HSD17B6: variants seen among roughly 807,000 people sequenced by gnomAD.
The protein encoded by HSD17B6 is 17-beta-hydroxysteroid dehydrogenase type 6.
Under a neutral mutation model 26.4 loss-of-function variants are expected in HSD17B6, and 16 were observed. That is an observed-to-expected ratio of 0.61 (90% CI 0.41 to 0.92). The LOEUF is 0.92. HSD17B6 is among the 40% of genes least tolerant of loss of function. The pLI is 0.00. For missense variants in HSD17B6, 357 were observed against 386.1 expected (o/e 0.92, Z 0.63); for synonymous variants, 139 against 153.0 (o/e 0.91, Z 0.68).
At chr12:56,779,564 A>AT (rs1954668265) in intron 2 of HSD17B6, among the ~76,000 whole-genome samples, 1 of 152,192 alleles carries the variant, frequency 6.6e-6, no homozygotes, top group Admixed American at 6.5e-5. Context: ...CCACTACTAA[A>AT]TTGAAAGTAC....
rs1334506422 is a variant in HSD17B6, at chr12:56,783,152, T to C, written c.572+920T>C. ...ATCATGGCCCGTTCTCAATGAGCTG[T>C]TGGGTACACCTCCCAGACGGGGTGG... On this transcript the variant is annotated intron_variant, in intron 3 of 4. Coordinates refer to ENST00000322165, the MANE Select transcript of HSD17B6 (RefSeq NM_003725.4). 2.5e-4 allele frequency among the ~76,000 whole-genome samples: 38 copies of C among 152,266 alleles called. No individual in the cohort carries two copies. The East Asian group carries it at 6.6e-3, about 26-fold the overall frequency.
chr12:56,784,738 A>G (rs565385669), intron 3 of HSD17B6, 115 bp from the exon 4 acceptor site: 6 of 1,096,152 alleles, frequency 5.5e-6, no homozygotes, highest in African/African-American at 1.6e-5. Context: ...AGATTTCTTT[A>G]TTCTTTAAAA....
chr12:56,779,888 T>C (rs1232687608), intron 2 of HSD17B6, among the ~76,000 whole-genome samples: 1 of 151,958 alleles, frequency 6.6e-6, no homozygotes. Flanking sequence ...CTAAGAATTA[T>C]AGAAGATGCT....
chr12:56,786,207 A>C (rs1417272728), intron 4 of HSD17B6, among the ~76,000 whole-genome samples: 1 of 152,002 alleles, frequency 6.6e-6, no homozygotes, highest in African/African-American at 2.4e-5. Flanking sequence ...GTGTTGTTCT[A>C]AACCTATTTA....
Position 56,787,559 on chromosome 12 carries a change from A to G in HSD17B6, c.*217A>G. The G allele has an allele frequency of 1.8e-6, 1 of 544,750 alleles. No individual in the cohort carries two copies. Among genetic ancestry groups the G allele is most frequent in the Non-Finnish European group, 3.2e-6 (1 of 307,760 alleles). 33.7% of individuals were successfully genotyped at this position (544,750 alleles called of 1,614,324 possible). A position where few individuals can be genotyped will look rare whatever the true frequency, so the allele number is the denominator to read the frequency against. ...TCTTTACTATTTTAGCCCTTTTTTG[A>G]TGAGACTATTTGTCTAAAGTGAATC... On this transcript the variant is annotated 3_prime_UTR_variant, in exon 5 of 5. Transcript: ENST00000322165.
At chr12:56,784,825 A>C in intron 3 of HSD17B6, 28 bp from the exon 4 acceptor site, 1 of 1,603,026 alleles carries the variant, frequency 6.2e-7, no homozygotes, top group Non-Finnish European at 8.5e-7. Context: ...GGTGGTCTTT[A>C]ATCATAACTT....
At position 56,782,381 on chromosome 12, in the gene HSD17B6, C is replaced by G. The variant is rs1954740247; in HGVS notation, c.572+149C>G. On this transcript the variant is annotated intron_variant, in intron 3 of 4. Coordinates refer to ENST00000322165, the MANE Select transcript of HSD17B6 (RefSeq NM_003725.4). ...GTCTATTTTATATAGCTAACAGGCT[C>G]AAATTTTCTCATCTGTCCCAGAGTT... 9.6e-6 allele frequency: 8 copies of G among 832,740 alleles called. No homozygotes were observed. The South Asian group carries it at 1.5e-4, about 16-fold the overall frequency. The allele number at this position is 832,740 out of a possible 1,614,324, so 51.6% of individuals were successfully genotyped here. A position where few individuals can be genotyped will look rare whatever the true frequency, so the allele number is the denominator to read the frequency against.
intron 2 of HSD17B6, among the ~76,000 whole-genome samples, chr12:56,776,894 G>C (rs985651723): frequency 5.9e-5 from 9 of 152,128 alleles, no homozygotes; most frequent in African/African-American, 2.2e-4. Context: ...ACCTATTGAA[G>C]GACATCTTGG....
rs546257888 is a variant in HSD17B6, at chr12:56,787,046, G to T, written c.737-79G>T. Reference sequence around the variant, plus strand: ...ATTCTATTTTGTAGAAATTAGATGTGGTGAGACTTCTGTGACTGCATGATC... The same window carrying T: ...ATTCTATTTTGTAGAAATTAGATGTTGTGAGACTTCTGTGACTGCATGATC... On this transcript the variant is annotated intron_variant, in intron 4 of 4. Transcript: ENST00000322165. 6.3e-5 allele frequency: 67 copies of T among 1,062,934 alleles called. No individual in the cohort carries two copies. The African/African-American group carries it at 1.0e-3, about 16-fold the overall frequency. 65.8% of individuals were successfully genotyped at this position (1,062,934 alleles called of 1,614,324 possible).
chr12:56,781,619 T>C (rs1165103823), intron 2 of HSD17B6, among the ~76,000 whole-genome samples: 1 of 152,012 alleles, frequency 6.6e-6, no homozygotes, highest in Non-Finnish European at 1.5e-5. Context: ...CTAGCCAACA[T>C]GGTGAAACCC....
At chr12:56,784,177 C>A (rs1377426440) in intron 3 of HSD17B6, among the ~76,000 whole-genome samples, 1 of 151,640 alleles carries the variant, frequency 6.6e-6, no homozygotes, top group Non-Finnish European at 1.5e-5. Flanking sequence ...GGCAGAGACG[C>A]TCCTCACTTT....
chr12:56,785,678 A>C (rs1348273592), intron 4 of HSD17B6, among the ~76,000 whole-genome samples: 1 of 152,224 alleles, frequency 6.6e-6, no homozygotes, highest in Non-Finnish European at 1.5e-5. Flanking sequence ...GACCCTTGAG[A>C]GGGTGTGCCC....
intron 2 of HSD17B6, among the ~76,000 whole-genome samples, chr12:56,776,314 T>G (rs1427472072): frequency 6.7e-6 from 1 of 149,552 alleles, no homozygotes; most frequent in Non-Finnish European, 1.5e-5. Context: ...CTTTTTTTTT[T>G]TTTTTTTTGA....
At chr12:56,784,604 T>C (rs1234053376) in intron 3 of HSD17B6, among the ~76,000 whole-genome samples, 1 of 151,968 alleles carries the variant, frequency 6.6e-6, no homozygotes, top group Non-Finnish European at 1.5e-5. Flanking sequence ...GCAGGGAGGT[T>C]GCAGTGAGCC....
At chr12:56,782,289 G>A in intron 3 of HSD17B6, 57 bp downstream of exon 3, 2 of 1,525,654 alleles carry the variant, frequency 1.3e-6, no homozygotes, top group Non-Finnish European at 1.8e-6. Context: ...CTTAGGCATT[G>A]TGCTAGTTGC....
At position 56,787,425 on chromosome 12, in the gene HSD17B6, G is replaced by A. The variant is rs1954903782; in HGVS notation, c.*83G>A. 9 of 863,136 alleles carry A rather than the reference G, an allele frequency of 1.0e-5. No homozygotes were observed. In the South Asian group the frequency reaches 1.2e-4, roughly 11 times the overall value. 53.5% of individuals were successfully genotyped at this position (863,136 alleles called of 1,614,324 possible). The stretch of plus-strand genomic sequence containing the variant: ...TCAGTAATCCTGATTTAGAACCCAG[G>A]CTTTTTGTAACAATGTGTTTTCTTG... On this transcript the variant is annotated 3_prime_UTR_variant, in exon 5 of 5. Coordinates refer to ENST00000322165, the MANE Select transcript of HSD17B6 (RefSeq NM_003725.4).
At chr12:56,776,707 A>G (rs1204185593) in intron 2 of HSD17B6, among the ~76,000 whole-genome samples, 1 of 152,104 alleles carries the variant, frequency 6.6e-6, no homozygotes, top group East Asian at 1.9e-4. Flanking sequence ...GTTGAAGTGC[A>G]GCGGTGCAAT....
At chr12:56,766,588 A>G (rs771756937) in intron 1 of HSD17B6, among the ~76,000 whole-genome samples, 3 of 152,232 alleles carry the variant, frequency 2.0e-5, no homozygotes, top group Non-Finnish European at 4.4e-5. Context: ...GGCCTTGTAC[A>G]ACTAAGGTTT....
In HSD17B6 at chr12:56,787,361, T is replaced by C; in HGVS notation, c.*19T>C. ...AGTCTAAAGAAAACTGGGTTGGTGCTTCTTGGAATGAAGGCAAAAATCTGA... is the reference window on the plus strand; with the variant it reads ...AGTCTAAAGAAAACTGGGTTGGTGCCTCTTGGAATGAAGGCAAAAATCTGA... On this transcript the variant is annotated 3_prime_UTR_variant, in exon 5 of 5. Transcript: ENST00000322165. 1.9e-6 allele frequency: 3 copies of C among 1,555,620 alleles called. No homozygotes were observed. Among genetic ancestry groups the C allele is most frequent in the Non-Finnish European group, 1.8e-6 (2 of 1,131,802 alleles).
Sources: gnomAD v4.1 joint callset for allele counts (sites outside exome capture counted in the v4.1 genomes callset) on GRCh38, gnomAD v4.1.1 for gene constraint, MANE v1.5 for transcripts, NCBI Gene and HGNC (gene_info 2026-07-23, HGNC 2026-07-21) for gene names.